Variants in CLTA observed in about 807,000 individuals in gnomAD.
CLTA encodes the protein clathrin, light polypeptide (Lca).
In CLTA, 9 loss-of-function variants were observed where a neutral mutation model predicts 26.9. The ratio of observed to expected loss-of-function variants is 0.33; its 90% CI spans 0.20 to 0.58. The LOEUF is 0.58. CLTA is among the 20% of genes least tolerant of loss of function. CLTA has a pLI of 0.85. For synonymous variants in CLTA, 120 were observed against 115.5 expected (o/e 1.04, Z -0.25); for missense variants, 278 against 294.2 (o/e 0.94, Z 0.40).
At chr9:36,191,855 G>A (rs1826746057) in intron 1 of CLTA, among the ~76,000 whole-genome samples, 3 of 152,202 alleles carry the variant, frequency 2.0e-5, no homozygotes, top group Non-Finnish European at 4.4e-5. Flanking sequence ...CGCGGTAGGA[G>A]TTTGCTATCG....
chr9:36,200,190 T>C (rs1159156367), intron 3 of CLTA, among the ~76,000 whole-genome samples: 1 of 152,210 alleles, frequency 6.6e-6, no homozygotes, highest in Non-Finnish European at 1.5e-5. Flanking sequence ...TTCTTTGTTT[T>C]TTCTTTTTCT....
At chr9:36,202,145 T>G (rs1378703774) in intron 3 of CLTA, among the ~76,000 whole-genome samples, 1 of 152,150 alleles carries the variant, frequency 6.6e-6, no homozygotes, top group Admixed American at 6.6e-5. Context: ...GTATATACTT[T>G]AGAGTCATCA....
chr9:36,199,399 T>G (rs1827265745), intron 3 of CLTA, among the ~76,000 whole-genome samples: 1 of 149,430 alleles, frequency 6.7e-6, no homozygotes. Flanking sequence ...ACTTGAAGGA[T>G]TCAAGTTTCC....
chr9:36,198,547 T>A (rs1827189505), intron 2 of CLTA, among the ~76,000 whole-genome samples: 1 of 151,552 alleles, frequency 6.6e-6, no homozygotes, highest in Non-Finnish European at 1.5e-5. Flanking sequence ...GGTAGTGGCA[T>A]GTGCCTGTAA....
rs554901486 is a variant in CLTA at position 36,196,983 on chromosome 9, G to A, written c.218-568G>A. Among the ~76,000 whole-genome samples, 20 of 152,286 alleles carry A rather than the reference G, an allele frequency of 1.3e-4. 1 individual carries two copies. In the South Asian group the frequency reaches 4.1e-3, roughly 32 times the overall value. On this transcript the variant is annotated intron_variant, in intron 1 of 4. Transcript: ENST00000345519. Reference sequence around the variant, plus strand: ...GAGTCCAGGAAATCGATAGCAGCCTGGGCAGCATGGCGAAACCCCCTTCCT... The same window carrying A: ...GAGTCCAGGAAATCGATAGCAGCCTAGGCAGCATGGCGAAACCCCCTTCCT...
chr9:36,212,025 A>G lies in CLTA; in HGVS notation c.*251A>G, dbSNP rs1165717540. The G allele has an allele frequency of 4.7e-6, 3 of 635,806 alleles. No homozygotes were observed. Among genetic ancestry groups the G allele is most frequent in the Non-Finnish European group, 8.6e-6 (3 of 347,938 alleles). 39.4% of individuals were successfully genotyped at this position (635,806 alleles called of 1,614,324 possible). On this transcript the variant is annotated 3_prime_UTR_variant, in exon 5 of 5. Transcript: ENST00000345519. ...GTAGCCTCAACCTGTGCTTCTGTGCATTATTCTGAGAATAAATTTCTGTTT... is the reference window on the plus strand; with the variant it reads ...GTAGCCTCAACCTGTGCTTCTGTGCGTTATTCTGAGAATAAATTTCTGTTT...
intron 4 of CLTA, 111 bp downstream of exon 4, chr9:36,204,290 C>G (rs1355850317): frequency 9.1e-6 from 11 of 1,204,506 alleles, no homozygotes; most frequent in Non-Finnish European, 1.3e-5. Context: ...GAAATGTCTG[C>G]AGTTTTTAAA....
intron 4 of CLTA, among the ~76,000 whole-genome samples, chr9:36,205,543 A>G (rs994627481): frequency 5.3e-5 from 8 of 152,194 alleles, no homozygotes; most frequent in Admixed American, 3.3e-4. Context: ...ATTTAAGTTT[A>G]GTCTGAAGTA....
Position 36,210,545 on chromosome 9 carries a change from C to G in CLTA, c.486-1058C>G, listed in dbSNP as rs1827981942. ...GGCAAGGGCATGTCCAGCTTACTGA[C>G]CATCTGCATTGAGCTCATTCTCATT... On this transcript the variant is annotated intron_variant, in intron 4 of 4. Transcript: ENST00000345519. 4 of 1,607,112 alleles carry G rather than the reference C, an allele frequency of 2.5e-6. No homozygotes were observed. In the South Asian group the frequency reaches 4.5e-5, roughly 18 times the overall value.
At chr9:36,204,914 T>C (rs1827624499) in intron 4 of CLTA, among the ~76,000 whole-genome samples, 1 of 152,188 alleles carries the variant, frequency 6.6e-6, no homozygotes, top group South Asian at 2.1e-4. Flanking sequence ...AGCCCAACTT[T>C]CACTGAATAG....
chr9:36,199,040 A>G lies in CLTA; in HGVS notation c.317A>G (p.Glu106Gly), dbSNP rs1450330427. The change falls in exon 3 of 5, where the codon GAG becomes GGG. Residue 106 changes from glutamate (E) to glycine (G), a missense_variant. Glu to Gly is a moderately conservative substitution (Grantham distance 98). Coordinates refer to ENST00000345519, the MANE Select transcript of CLTA (RefSeq NM_001833.4). ...AISQVDRLQSEPESIRKWREE... is the reference protein window; with the variant it reads ...AISQVDRLQSGPESIRKWREE... ...TCACAAGTGGATCGATTGCAGTCAG[A>G]GCCTGAAAGTATCCGTAAATGGAGA... 6.2e-7 allele frequency: 1 copy of G among 1,613,986 alleles called. No homozygotes were observed. Among genetic ancestry groups the G allele is most frequent in the Non-Finnish European group, 8.5e-7 (1 of 1,179,946 alleles).
At chr9:36,203,975 C>T in intron 3 of CLTA, 93 bp from the exon 4 acceptor site, 1 of 1,544,982 alleles carries the variant, frequency 6.5e-7, no homozygotes, top group South Asian at 1.2e-5. Context: ...GGACCTGCAC[C>T]CACCACAAGT....
At chr9:36,191,755 C>G (rs936314326) in intron 1 of CLTA, among the ~76,000 whole-genome samples, 1 of 152,184 alleles carries the variant, frequency 6.6e-6, no homozygotes, top group Admixed American at 6.5e-5. Context: ...CATTTAAGCA[C>G]TTAAGGTGTA....
chr9:36,199,468 G>A (rs1206537108), intron 3 of CLTA, among the ~76,000 whole-genome samples: 3 of 106,434 alleles, frequency 2.8e-5, no homozygotes, highest in Non-Finnish European at 5.7e-5. Context: ...TTTTTTTTTT[G>A]AGATGAAGTC....
Position 36,211,879 on chromosome 9 carries a change from T to A in CLTA, c.*105T>A. ...ATGTTGAGTTCTTTTGGACCAAACC[T>A]TTTTGTCTTTAGAGTTGTTCATTGT... On this transcript the variant is annotated 3_prime_UTR_variant, in exon 5 of 5. Transcript: ENST00000345519. The A allele has an allele frequency of 1.0e-6, 1 of 956,792 alleles. No homozygotes were observed. Among genetic ancestry groups the A allele is most frequent in the Non-Finnish European group, 1.6e-6 (1 of 633,968 alleles). 59.3% of individuals were successfully genotyped at this position (956,792 alleles called of 1,614,324 possible). A position where few individuals can be genotyped will look rare whatever the true frequency, so the allele number is the denominator to read the frequency against.
At chr9:36,201,408 T>G (rs1827393016) in intron 3 of CLTA, among the ~76,000 whole-genome samples, 1 of 152,198 alleles carries the variant, frequency 6.6e-6, no homozygotes, top group Non-Finnish European at 1.5e-5. Flanking sequence ...CTTTGCTCTC[T>G]AAGGGGACTC....
chr9:36,205,583 G>T (rs746497920), intron 4 of CLTA, among the ~76,000 whole-genome samples: 58 of 152,096 alleles, frequency 3.8e-4, no homozygotes, highest in South Asian at 1.9e-3. Context: ...CCCCGCTCTG[G>T]GTCTGTGATG....
chr9:36,209,649 C>T (rs1311038470), intron 4 of CLTA, among the ~76,000 whole-genome samples: 1 of 152,136 alleles, frequency 6.6e-6, no homozygotes, highest in East Asian at 1.9e-4. Context: ...TGGCTGCCAT[C>T]ACTGCTGCCA....
intron 4 of CLTA, among the ~76,000 whole-genome samples, chr9:36,211,378 A>G (rs1433964649): frequency 6.6e-6 from 1 of 152,154 alleles, no homozygotes; most frequent in African/African-American, 2.4e-5. Flanking sequence ...CCTTGAACCA[A>G]ACACCTGTAT....
Sources: allele counts gnomAD v4.1 joint callset (sites outside exome capture counted in the v4.1 genomes callset), GRCh38; gene constraint gnomAD v4.1.1; transcripts MANE v1.5; gene names NCBI Gene and HGNC (gene_info 2026-07-23, HGNC 2026-07-21).